Variants in ZNF469 observed in about 807,000 individuals in gnomAD.
ZNF469 encodes zinc finger protein 469.
ZNF469 carries 1 observed loss-of-function variant against 1.0 expected under a neutral mutation model. The ratio of observed to expected loss-of-function variants is 1.00; its 90% confidence interval spans 0.35 to 4.73. The LOEUF (loss-of-function observed/expected upper bound fraction) is 4.73, where lower values mean the gene tolerates loss of function less well. Ranked by LOEUF, ZNF469 falls within the 30% of genes most tolerant of loss-of-function variation. The pLI is 0.16. For synonymous variants in ZNF469, 2,703 were observed against 2,363.4 expected, an observed-to-expected ratio of 1.14 and a Z score of -4.17; for missense variants, 6,100 against 5,356.3, an observed-to-expected ratio of 1.14 and a Z score of -4.33.
At chr16:88,238,830 C>A in the ZNF469 span, among the ~76,000 whole-genome samples, 1 of 152,178 alleles carries the variant, frequency 6.6e-6, no homozygotes, top group African/African-American at 2.4e-5. Context: ...GAAGAGCAGG[C>A]GCCTCTGCTT....
chr16:88,379,292 C>T (rs548583748), upstream of ZNF469, among the ~76,000 whole-genome samples: 1 of 152,292 alleles, frequency 6.6e-6, no homozygotes, highest in South Asian at 2.1e-4. Flanking sequence ...AGTCAGCAGC[C>T]TGCTGGGCCA....
intron 1 of ZNF469, among the ~76,000 whole-genome samples, chr16:88,406,991 A>C (rs1260237486): frequency 1.3e-5 from 2 of 152,146 alleles, no homozygotes; most frequent in African/African-American, 4.8e-5. Context: ...AAAAATCAGC[A>C]TAAACATGTT....
chr16:88,269,248 T>C, the ZNF469 span, among the ~76,000 whole-genome samples: 2 of 151,368 alleles, frequency 1.3e-5, no homozygotes, highest in East Asian at 3.9e-4. Flanking sequence ...GCGCCTTAGC[T>C]TCTTTCCCTG....
chr16:88,128,493 G>T, the ZNF469 span, among the ~76,000 whole-genome samples: 1 of 152,198 alleles, frequency 6.6e-6, no homozygotes, highest in South Asian at 2.1e-4. Flanking sequence ...CACCATTGTG[G>T]TTCAGAACAC....
At chr16:88,160,340 T>C in the ZNF469 span, among the ~76,000 whole-genome samples, 1 of 152,206 alleles carries the variant, frequency 6.6e-6, no homozygotes, top group Non-Finnish European at 1.5e-5. Flanking sequence ...TGACCTCCCA[T>C]TGACAGCAAG....
chr16:88,284,630 A>AG, the ZNF469 span, among the ~76,000 whole-genome samples: 4 of 149,136 alleles, frequency 2.7e-5, no homozygotes, highest in Non-Finnish European at 4.4e-5. Flanking sequence ...AAAAAAAAAA[A>AG]GAACAGGCTC....
chr16:88,125,196 A>G, the ZNF469 span, among the ~76,000 whole-genome samples: 1 of 151,526 alleles, frequency 6.6e-6, no homozygotes, highest in East Asian at 2.0e-4. Flanking sequence ...GTGTGGGTCT[A>G]TTTCTGGACT....
upstream of ZNF469, among the ~76,000 whole-genome samples, chr16:88,380,385 T>TCACACATA (rs200965111): frequency 1.0e-2 from 1,017 of 101,910 alleles, 55 homozygotes; most frequent in Non-Finnish European, 0.016. Context: ...TCACACGCAC[T>TCACACATA]CACAGACACG....
chr16:88,380,619 CCA>C (rs1344643208), upstream of ZNF469, among the ~76,000 whole-genome samples: 1 of 103,830 alleles, frequency 9.6e-6, no homozygotes, highest in Non-Finnish European at 2.0e-5. Flanking sequence ...ACGCACACAC[CCA>C]GACATGCGCT....
Position 88,435,022 on chromosome 16 carries a change from C to T in ZNF469, c.7552C>T (p.Pro2518Ser), listed in dbSNP as rs1001617194. Residue 2518 changes from proline (P) to serine (S), a missense_variant, in exon 3 of 3, where the codon CCC becomes TCC. Coordinates refer to ENST00000565624, the MANE Select transcript of ZNF469 (RefSeq NM_001367624.2). ...AALPAQQPLE[P>S]LAQKCQPPRK... ...CTTGCCTGCTCAGCAGCCTCTAGAG[C>T]CCCTAGCCCAAAAGTGCCAGCCGCC... 1.9e-6 allele frequency: 3 copies of T among 1,550,264 alleles called. No homozygotes were observed. The highest frequency in any genetic ancestry group is 2.6e-6 in the Non-Finnish European group (3 of 1,147,000).
At chr16:88,310,784 T>C in the ZNF469 span, among the ~76,000 whole-genome samples, 2 of 152,176 alleles carry the variant, frequency 1.3e-5, no homozygotes, top group Admixed American at 6.5e-5. Flanking sequence ...TTCACCATTT[T>C]GGCCAGGCTG....
chr16:88,180,064 T>C, the ZNF469 span, among the ~76,000 whole-genome samples: 2,255 of 152,308 alleles, frequency 0.015, 62 homozygotes, highest in African/African-American at 0.052. Context: ...ACTCAGCAGC[T>C]CTGCCTATGG....
chr16:88,232,764 T>C, the ZNF469 span, among the ~76,000 whole-genome samples: 1 of 152,246 alleles, frequency 6.6e-6, no homozygotes, highest in Non-Finnish European at 1.5e-5. Flanking sequence ...ATTGCCCAGA[T>C]TGCAACTCAT....
At position 88,406,223 on chromosome 16, in the gene ZNF469, A is replaced by G. The variant is rs552751265; in HGVS notation, c.-191-18584A>G. ...AGCTGAGTACGGGAAATGGGGTGGG[A>G]GGGCAGAAACGTGGGTGTGTCTCAG... On this transcript the variant is annotated intron_variant, in intron 1 of 2. Coordinates refer to ENST00000565624, the MANE Select transcript of ZNF469 (RefSeq NM_001367624.2). Among the ~76,000 whole-genome samples the G allele has an allele frequency of 1.1e-4, 16 of 152,130 alleles. 1 individual carries two copies. The South Asian group carries it at 3.3e-3, about 32-fold the overall frequency.
the ZNF469 span, among the ~76,000 whole-genome samples, chr16:88,301,749 G>C: frequency 6.6e-6 from 1 of 152,200 alleles, no homozygotes; most frequent in Non-Finnish European, 1.5e-5. Context: ...TGTCCCTTCT[G>C]TCTCTGTGTA....
At chr16:88,257,629 G>C in the ZNF469 span, among the ~76,000 whole-genome samples, 1 of 152,162 alleles carries the variant, frequency 6.6e-6, no homozygotes, top group East Asian at 1.9e-4. Context: ...TCTTCTAGGA[G>C]TTTTATAGTT....
At chr16:88,354,565 A>G in the ZNF469 span, among the ~76,000 whole-genome samples, 1 of 152,184 alleles carries the variant, frequency 6.6e-6, no homozygotes, top group Non-Finnish European at 1.5e-5. Flanking sequence ...TAGCGGGACC[A>G]AGTCGGAGCA....
the ZNF469 span, among the ~76,000 whole-genome samples, chr16:88,368,026 CA>C: frequency 6.6e-6 from 1 of 152,224 alleles, no homozygotes; most frequent in Non-Finnish European, 1.5e-5. Context: ...CCTCCCTACA[CA>C]GGATGAGAGA....
At chr16:88,108,034 T>C in the ZNF469 span, among the ~76,000 whole-genome samples, 1 of 152,198 alleles carries the variant, frequency 6.6e-6, no homozygotes, top group Non-Finnish European at 1.5e-5. Context: ...GGATGCAGGG[T>C]AGAGAAGAGA....
Sources: allele counts gnomAD v4.1 joint callset (sites outside exome capture counted in the v4.1 genomes callset), GRCh38; gene constraint gnomAD v4.1.1; transcripts MANE v1.5; gene names NCBI Gene and HGNC (gene_info 2026-07-23, HGNC 2026-07-21).